The following PRKG1 variants were observed in gnomAD, a reference collection of about 807,000 sequenced individuals.
The protein encoded by PRKG1 is cGMP-dependent protein kinase 1.
In PRKG1, 35 loss-of-function variants were observed where a neutral mutation model predicts 88.1. The ratio of observed to expected loss-of-function variants is 0.40; its 90% CI spans 0.30 to 0.53. The LOEUF is 0.53. Ranked by LOEUF, PRKG1 falls within the 20% of genes least tolerant of loss-of-function variation. The pLI, the probability that PRKG1 is intolerant of heterozygous loss-of-function variation, is 0.59. For missense variants in PRKG1, 540 were observed against 839.8 expected (o/e 0.64, Z 4.41); for synonymous variants, 303 against 292.5 (o/e 1.04, Z -0.37).
intron 4 of PRKG1, among the ~76,000 whole-genome samples, chr10:51,852,822 T>G (rs1450052001): frequency 6.6e-6 from 1 of 152,158 alleles, no homozygotes; most frequent in Admixed American, 6.6e-5. Flanking sequence ...AACTTTGCTT[T>G]TATATGTCCC....
At chr10:51,509,216 G>C (rs564988728) in intron 3 of PRKG1, among the ~76,000 whole-genome samples, 69 of 152,164 alleles carry the variant, frequency 4.5e-4, no homozygotes, top group Non-Finnish European at 8.8e-4. Flanking sequence ...GTAATGTCAA[G>C]GAAAAAAATT....
At chr10:51,869,190 A>G (rs925224306) in intron 4 of PRKG1, among the ~76,000 whole-genome samples, 3 of 152,178 alleles carry the variant, frequency 2.0e-5, no homozygotes, top group African/African-American at 7.2e-5. Flanking sequence ...TCTTTGCTTG[A>G]GAAAATTGAT....
intron 2 of PRKG1, among the ~76,000 whole-genome samples, chr10:51,423,681 AATATCTATATTATGATGGCT>A (rs1433797951): frequency 1.3e-5 from 2 of 152,152 alleles, no homozygotes; most frequent in African/African-American, 4.8e-5. Context: ...TAAACAAAGC[AATATCTATATTATGATGGCT>A]ATAGCATTAT....
intron 3 of PRKG1, among the ~76,000 whole-genome samples, chr10:51,473,880 T>G (rs1285177347): frequency 1.3e-5 from 2 of 151,948 alleles, no homozygotes; most frequent in Non-Finnish European, 2.9e-5. Context: ...GTAATGAATC[T>G]TCATTCATTC....
At chr10:51,365,244 A>C (rs1842565331) in intron 2 of PRKG1, among the ~76,000 whole-genome samples, 1 of 151,708 alleles carries the variant, frequency 6.6e-6, no homozygotes, top group Admixed American at 6.6e-5. Context: ...TGTTTTCACC[A>C]CTCATCATCA....
intron 2 of PRKG1, among the ~76,000 whole-genome samples, chr10:51,223,814 C>T (rs1838616183): frequency 6.6e-6 from 1 of 152,102 alleles, no homozygotes; most frequent in African/African-American, 2.4e-5. Flanking sequence ...TATGTTGGCT[C>T]ACAAATATAA....
chr10:51,529,181 T>G (rs1160071010), intron 3 of PRKG1, among the ~76,000 whole-genome samples: 1 of 152,110 alleles, frequency 6.6e-6, no homozygotes, highest in East Asian at 1.9e-4. Flanking sequence ...CAAATCCTGT[T>G]GACTTGACCT....
At chr10:51,655,809 T>C (rs905540366) in intron 3 of PRKG1, among the ~76,000 whole-genome samples, 8 of 152,130 alleles carry the variant, frequency 5.3e-5, no homozygotes, top group African/African-American at 1.7e-4. Flanking sequence ...TACTTGAGAA[T>C]TAGCATAGAG....
chr10:51,786,570 A>G (rs139123553), intron 3 of PRKG1, among the ~76,000 whole-genome samples: 173 of 152,188 alleles, frequency 1.1e-3, no homozygotes, highest in African/African-American at 3.7e-3. Flanking sequence ...GGCTCCCCAC[A>G]CACTCTGAAT....
intron 1 of PRKG1, among the ~76,000 whole-genome samples, chr10:51,049,838 C>G (rs1843538891): frequency 6.6e-6 from 1 of 152,028 alleles, no homozygotes; most frequent in Admixed American, 6.6e-5. Flanking sequence ...ATAATTCTTG[C>G]TTTATGAACA....
At chr10:52,045,998 G>C (rs921719405) in intron 5 of PRKG1, among the ~76,000 whole-genome samples, 4 of 152,068 alleles carry the variant, frequency 2.6e-5, no homozygotes, top group Admixed American at 6.6e-5. Context: ...TGAGATTCTG[G>C]TTTTGACTCT....
At chr10:51,032,334 T>G (rs780009121) in intron 1 of PRKG1, among the ~76,000 whole-genome samples, 1 of 152,176 alleles carries the variant, frequency 6.6e-6, no homozygotes, top group Non-Finnish European at 1.5e-5. Flanking sequence ...AACTCTCATC[T>G]GCTATTATTA....
intron 4 of PRKG1, among the ~76,000 whole-genome samples, chr10:51,880,069 C>A (rs1841399858): frequency 6.6e-6 from 1 of 152,162 alleles, no homozygotes; most frequent in African/African-American, 2.4e-5. Context: ...TCTCAGCCTC[C>A]ACCTTTTACA....
At chr10:51,779,668 C>G (rs1838534904) in intron 3 of PRKG1, among the ~76,000 whole-genome samples, 1 of 152,128 alleles carries the variant, frequency 6.6e-6, no homozygotes, top group Admixed American at 6.6e-5. Flanking sequence ...CCTGGACCAC[C>G]TAGCCCATTT....
At chr10:51,315,822 C>A (rs1259301640) in intron 2 of PRKG1, among the ~76,000 whole-genome samples, 3 of 152,146 alleles carry the variant, frequency 2.0e-5, no homozygotes, top group Non-Finnish European at 4.4e-5. Flanking sequence ...GCATTTCAGT[C>A]AAGAGGGAGA....
intron 5 of PRKG1, among the ~76,000 whole-genome samples, chr10:52,050,470 G>A (rs1441739846): frequency 6.6e-6 from 1 of 152,130 alleles, no homozygotes; most frequent in Non-Finnish European, 1.5e-5. Context: ...GAAAGTGCTG[G>A]CATTTGATTA....
At chr10:51,536,417 A>C (rs1002569528) in intron 3 of PRKG1, among the ~76,000 whole-genome samples, 2 of 152,046 alleles carry the variant, frequency 1.3e-5, no homozygotes, top group African/African-American at 2.4e-5. Flanking sequence ...TAAGTTCTTT[A>C]TAGCTTCTGG....
intron 3 of PRKG1, among the ~76,000 whole-genome samples, chr10:51,692,792 A>G (rs544848469): frequency 6.6e-6 from 1 of 152,334 alleles, no homozygotes; most frequent in Non-Finnish European, 1.5e-5. Context: ...TTAAATGACC[A>G]ACCTTTGTAA....
intron 3 of PRKG1, among the ~76,000 whole-genome samples, chr10:51,607,888 C>T (rs920561059): frequency 1.3e-5 from 2 of 152,140 alleles, no homozygotes; most frequent in Admixed American, 1.3e-4. Flanking sequence ...GTAGCTACCA[C>T]TAGTGCTTCT....
Sources: gnomAD v4.1 joint callset for allele counts (sites outside exome capture counted in the v4.1 genomes callset) on GRCh38, gnomAD v4.1.1 for gene constraint, MANE v1.5 for transcripts, NCBI Gene and HGNC (gene_info 2026-07-23, HGNC 2026-07-21) for gene names.